PKD1: variants seen among roughly 807,000 people sequenced by gnomAD.
The protein encoded by PKD1 is polycystin-1.
Under a neutral mutation model 361.7 loss-of-function variants are expected in PKD1, and 81 were observed. The ratio of observed to expected loss-of-function variants is 0.22; its 90% CI spans 0.19 to 0.27. The LOEUF (loss-of-function observed/expected upper bound fraction) is 0.27, where lower values mean the gene tolerates loss of function less well. Among genes scored for constraint, PKD1 ranks in the 10% least tolerant of loss-of-function variants. PKD1 has a pLI of 1.00. For missense variants in PKD1, 6,399 were observed against 6,118.3 expected (o/e 1.05, Z -1.53); for synonymous variants, 3,615 against 2,818.3 (o/e 1.28, Z -8.95).
At chr16:2,126,338 G>T (rs988370788) in intron 1 of PKD1, among the ~76,000 whole-genome samples, 1 of 152,266 alleles carries the variant, frequency 6.6e-6, no homozygotes, top group Admixed American at 6.5e-5. Context: ...TGGCCTCACA[G>T]AAGCCAGCCT....
intron 1 of PKD1, among the ~76,000 whole-genome samples, chr16:2,128,976 G>A (rs1283278384): frequency 1.3e-5 from 2 of 151,796 alleles, no homozygotes; most frequent in Non-Finnish European, 2.9e-5. Flanking sequence ...TGATTCTCCT[G>A]CCTCAGCCTC....
At position 2,088,715 on chromosome 16, in the gene PKD1, C is replaced by CA; in HGVS notation, c.*1011dup. ...CAGACATAGAGGCACAGATTGCAGTCAGACAGCTCTTTTATTGACTTTGTC... is the reference window on the plus strand; with the variant it reads ...CAGACATAGAGGCACAGATTGCAGTCAAGACAGCTCTTTTATTGACTTTGTC... On this transcript the variant is annotated 3_prime_UTR_variant, in exon 46 of 46. Coordinates refer to ENST00000262304, the MANE Select transcript of PKD1 (RefSeq NM_001009944.3). 2 of 1,427,692 alleles carry CA rather than the reference C, an allele frequency of 1.4e-6. No homozygotes were observed. Among genetic ancestry groups the CA allele is most frequent in the Middle Eastern group, 3.7e-4 (2 of 5,456 alleles). 88.4% of individuals were successfully genotyped at this position (1,427,692 alleles called of 1,614,324 possible).
intron 1 of PKD1, chr16:2,133,211 C>T (rs1596631319): frequency 6.7e-6 from 1 of 150,314 alleles, no homozygotes; most frequent in Admixed American, 6.6e-5. Context: ...CCCCACGAAG[C>T]TTCGAGCCAC....
intron 1 of PKD1, among the ~76,000 whole-genome samples, chr16:2,127,023 G>T (rs1366283189): frequency 6.6e-6 from 1 of 152,124 alleles, no homozygotes; most frequent in Non-Finnish European, 1.5e-5. Flanking sequence ...CCAGCAGGAG[G>T]CCCTCATAGA....
At chr16:2,105,031 GGGGGAGGGGA>G (rs1231334105) in intron 21 of PKD1, among the ~76,000 whole-genome samples, 15 of 75,038 alleles carry the variant, frequency 2.0e-4, no homozygotes, top group Non-Finnish European at 3.5e-4. Context: ...GGGGAGGGAA[GGGGGAGGGGA>G]GGGGAGGGGA....
Position 2,116,845 on chromosome 16 carries a change from G to C in PKD1, c.1594C>G (p.Leu532Val). 1 of 1,529,054 alleles carries C rather than the reference G, an allele frequency of 6.5e-7. No homozygotes were observed. The highest frequency in any genetic ancestry group is 1.2e-5 in the South Asian group (1 of 84,148). 94.7% of individuals were successfully genotyped at this position (1,529,054 alleles called of 1,614,324 possible). A position where few individuals can be genotyped will look rare whatever the true frequency, so the allele number is the denominator to read the frequency against. Residue 532 changes from leucine to valine, a missense_variant, in exon 7 of 46, where the codon CTG becomes GTG. Coordinates refer to ENST00000262304, the MANE Select transcript of PKD1 (RefSeq NM_001009944.3). Reference sequence around the variant, plus strand: ...GCCCCCCGCACACCTCCGGGCTGCAGCTCGCAGACGTAGCTGTGCGGCGCT... The same window carrying C: ...GCCCCCCGCACACCTCCGGGCTGCACCTCGCAGACGTAGCTGTGCGGCGCT... ...CSAPHSYVCE[L>V]QPGGPVQDAE...
At chr16:2,133,102 A>C (rs1042881383) in intron 1 of PKD1, 1 of 150,384 alleles carries the variant, frequency 6.6e-6, no homozygotes, top group African/African-American at 2.5e-5. Context: ...AAAAAAAAAA[A>C]AAACACATGG....
In PKD1 at chr16:2,106,400, G is replaced by C; in HGVS notation, c.7487C>G (p.Thr2496Arg). The C allele has an allele frequency of 6.3e-7, 1 of 1,589,472 alleles. No homozygotes were observed. Among genetic ancestry groups the C allele is most frequent in the Non-Finnish European group, 8.5e-7 (1 of 1,170,128 alleles). Reference sequence around the variant, plus strand: ...CCCCCACGCAGGCCTGCACTCACCCGTGCATTCGAAGTGCACCTTGGTGGT... The same window carrying C: ...CCCCCACGCAGGCCTGCACTCACCCCTGCATTCGAAGTGCACCTTGGTGGT... ...ALTTKVHFEC[T>R]GWHDAEDAGA... The change falls in exon 18 of 46, where the codon ACG becomes AGG. Residue 2496 changes from threonine (T) to arginine (R), a missense_variant and splice_region_variant. Transcript: ENST00000262304. This position sits in a 1 kb window ranked among gnomAD's most constrained non-coding sequence, Gnocchi z 6.5.
In PKD1 at chr16:2,089,239, G is replaced by GTGAC. The variant is rs1478628296; in HGVS notation, c.*484_*487dup. 5.7e-6 allele frequency: 1 copy of GTGAC among 174,654 alleles called. No individual in the cohort carries two copies. Among genetic ancestry groups the GTGAC allele is most frequent in the Admixed American group, 5.6e-5 (1 of 18,010 alleles). 10.8% of individuals were successfully genotyped at this position (174,654 alleles called of 1,614,324 possible). A position where few individuals can be genotyped will look rare whatever the true frequency, so the allele number is the denominator to read the frequency against. On this transcript the variant is annotated 3_prime_UTR_variant, in exon 46 of 46. Transcript: ENST00000262304. ...AGGCCCCTCAGCCCTAGTGAAAATAGTGACATACAAAAATATACACATTTT... is the reference window on the plus strand; with the variant it reads ...AGGCCCCTCAGCCCTAGTGAAAATAGTGACTGACATACAAAAATATACACATTTT...
chr16:2,088,901 T>C lies in PKD1; in HGVS notation c.*826A>G. The C allele has an allele frequency of 2.6e-6, 1 of 379,088 alleles. No individual in the cohort carries two copies. The highest frequency in any genetic ancestry group is 4.8e-6 in the Non-Finnish European group (1 of 208,022). 23.5% of individuals were successfully genotyped at this position (379,088 alleles called of 1,614,324 possible). ...CGCGCGCACACACACACACACACAG[T>C]CACCTTCCTCCACCCTGGGAGCCAG... On this transcript the variant is annotated 3_prime_UTR_variant, in exon 46 of 46. Coordinates refer to ENST00000262304, the MANE Select transcript of PKD1 (RefSeq NM_001009944.3).
intron 1 of PKD1, among the ~76,000 whole-genome samples, chr16:2,129,462 T>A (rs1488761816): frequency 1.3e-5 from 2 of 151,660 alleles, no homozygotes; most frequent in Non-Finnish European, 2.9e-5. Flanking sequence ...CCCTCATGAC[T>A]AATGAGGCCG....
In PKD1 at chr16:2,103,861, C is replaced by G; in HGVS notation, c.8196G>C (p.Arg2732=). 2 of 1,603,568 alleles carry G rather than the reference C, an allele frequency of 1.2e-6. No homozygotes were observed. Among genetic ancestry groups the G allele is most frequent in the Non-Finnish European group, 1.7e-6 (2 of 1,177,692 alleles). ...DLIHLASSDV[R]APQPSELGAE... ...CTCCCAGCTCTGAGGGCTGTGGTGC[C>G]CGCACGTCCGAGCTGGCCAGGTGGA... Residue 2732 remains arginine, a synonymous_variant, in exon 23 of 46, where the codon CGG becomes CGC. Coordinates refer to ENST00000262304, the MANE Select transcript of PKD1 (RefSeq NM_001009944.3).
chr16:2,091,625 G>A (rs746396351), intron 41 of PKD1, 28 bp from the exon 42 acceptor site: 3 of 1,561,968 alleles, frequency 1.9e-6, no homozygotes, highest in African/African-American at 1.3e-5. Context: ...GTCAGTAGGA[G>A]CGGGTGGCAG....
Position 2,107,762 on chromosome 16 carries a change from G to A in PKD1, c.7065+121C>T, listed in dbSNP as rs1186879873. On this transcript the variant is annotated intron_variant, in intron 16 of 45. Transcript: ENST00000262304. Reference sequence around the variant, plus strand: ...CAGGCTGTCGTGTTACATAGAATTTGCATCAGAAACAGAGAGGGGAGAGCG... The same window carrying A: ...CAGGCTGTCGTGTTACATAGAATTTACATCAGAAACAGAGAGGGGAGAGCG... 14 of 911,148 alleles carry A rather than the reference G, an allele frequency of 1.5e-5. No individual in the cohort carries two copies. In the African/African-American group the frequency reaches 1.8e-4, roughly 12 times the overall value. The allele number at this position is 911,148 out of a possible 1,614,324, so 56.4% of individuals were successfully genotyped here. A position where few individuals can be genotyped will look rare whatever the true frequency, so the allele number is the denominator to read the frequency against.
chr16:2,100,377 T>C lies in PKD1; in HGVS notation c.9568+19A>G, dbSNP rs1399857565. On this transcript the variant is annotated intron_variant, in intron 27 of 45. Coordinates refer to ENST00000262304, the MANE Select transcript of PKD1 (RefSeq NM_001009944.3). The surrounding 1 kb of genome is among the most constrained non-coding windows in gnomAD (Gnocchi z 4.4). Reference sequence around the variant, plus strand: ...AATGCGGGGGCAGAGGGGCAGAGCTTGGCAGGGTCCGCACAAACCTTTGTT... The same window carrying C: ...AATGCGGGGGCAGAGGGGCAGAGCTCGGCAGGGTCCGCACAAACCTTTGTT... 5 of 1,611,174 alleles carry C rather than the reference T, an allele frequency of 3.1e-6. No individual in the cohort carries two copies. Among genetic ancestry groups the C allele is most frequent in the Admixed American group, 3.3e-5 (2 of 60,022 alleles).
Position 2,107,946 on chromosome 16 carries a change from C to G in PKD1, c.7002G>C (p.Val2334=). Residue 2334 remains valine, a synonymous_variant, in exon 16 of 46, where the codon GTG becomes GTC. Coordinates refer to ENST00000262304, the MANE Select transcript of PKD1 (RefSeq NM_001009944.3). The stretch of plus-strand genomic sequence containing the variant: ...ACACGGTCAGGCTGAAGGTGTACTC[C>G]ACGCCAGCCGCCAGCCGCTCCCGTG... ...TIPRERLAAG[V]EYTFSLTVWK... is the part of the protein sequence containing the mutation. The G allele has an allele frequency of 6.5e-7, 1 of 1,546,536 alleles. No homozygotes were observed. The highest frequency in any genetic ancestry group is 8.7e-7 in the Non-Finnish European group (1 of 1,146,816).
In PKD1 at chr16:2,090,655, C is replaced by A. The variant is rs1047319549; in HGVS notation, c.12138+19G>T. ...CTGAGCTGAGCTAAGACGCCCTCCC[C>A]GGCCGCGCAGTCACCTACCAGGATG... On this transcript the variant is annotated intron_variant, in intron 44 of 45. Transcript: ENST00000262304. 3 of 1,610,866 alleles carry A rather than the reference C, an allele frequency of 1.9e-6. No individual in the cohort carries two copies. The highest frequency in any genetic ancestry group is 1.1e-5 in the South Asian group (1 of 91,054).
rs960035220 is a variant in PKD1, at chr16:2,109,955, G to C, written c.5212C>G (p.Leu1738Val). ...NPAAVNTSVTLSAELAGGSGV... is the reference protein window; with the variant it reads ...NPAAVNTSVTVSAELAGGSGV... ...CTGCCACCAGCCAGCTCGGCACTGAGGGTGACGCTTGTGTTGACGGCAGCT... is the reference window on the plus strand; with the variant it reads ...CTGCCACCAGCCAGCTCGGCACTGACGGTGACGCTTGTGTTGACGGCAGCT... Residue 1738 changes from leucine to valine, a missense_variant, in exon 15 of 46, where the codon CTC becomes GTC. By Grantham distance (32) the Leu-to-Val change is conservative (BLOSUM62 1). Transcript: ENST00000262304. 4 of 1,609,976 alleles carry C rather than the reference G, an allele frequency of 2.5e-6. No homozygotes were observed. Among genetic ancestry groups the C allele is most frequent in the Non-Finnish European group, 3.4e-6 (4 of 1,179,434 alleles).
Position 2,105,464 on chromosome 16 carries a change from G to T in PKD1, c.7874C>A (p.Ala2625Asp). 3.8e-6 allele frequency: 6 copies of T among 1,594,868 alleles called. No homozygotes were observed. Among genetic ancestry groups the T allele is most frequent in the Non-Finnish European group, 5.1e-6 (6 of 1,178,846 alleles). Residue 2625 changes from alanine to aspartate, a missense_variant, in exon 21 of 46, where the codon GCC (alanine) becomes GAC (aspartate). Physicochemically the swap from Ala to Asp is moderately radical, Grantham distance 126 (BLOSUM62 -2). Transcript: ENST00000262304. The stretch of plus-strand genomic sequence containing the variant: ...CTTGGGCTCTGCCGCCACGTCCAGG[G>T]CCCGCTCGTACTGGGGCAGGCAGGG... ...LVTVLNEYER[A>D]LDVAAEPKHE...
Sources: gnomAD v4.1 joint callset for allele counts (sites outside exome capture counted in the v4.1 genomes callset) on GRCh38, gnomAD v4.1.1 for gene constraint, Gnocchi (gnomAD v3.1) non-coding constraint, MANE v1.5 for transcripts, NCBI Gene and HGNC (gene_info 2026-07-23, HGNC 2026-07-21) for gene names.